STK11IP: variants seen among roughly 807,000 people sequenced by gnomAD.
STK11IP encodes the protein serine/threonine-protein kinase 11-interacting protein.
STK11IP carries 103 observed loss-of-function variants against 131.7 expected under a neutral mutation model. The observed-to-expected ratio is 0.78, with a 90% CI of 0.67 to 0.92. The LOEUF is 0.92. Among genes scored for constraint, STK11IP ranks in the 40% least tolerant of loss-of-function variants. The pLI is 0.00. For missense variants in STK11IP, 1,315 were observed against 1,385.7 expected (o/e 0.95, Z 0.81); for synonymous variants, 557 against 575.6 (o/e 0.97, Z 0.46).
At position 219,601,318 on chromosome 2, in the gene STK11IP, C is replaced by G; in HGVS notation, c.145C>G (p.Leu49Val). The change falls in exon 3 of 25, where the codon CTG (leucine) becomes GTG (valine). Residue 49 changes from leucine to valine, a missense_variant. Transcript: ENST00000456909. ...GCTGAACCACGTATTTGAGCTGCAC[C>G]TGGGGCCATGGGGCCCTGGCCAGAC... is the stretch of plus-strand genomic sequence containing the variant. ...QQLNHVFELH[L>V]GPWGPGQTGF... 1 of 1,614,078 alleles carries G rather than the reference C, an allele frequency of 6.2e-7. No homozygotes were observed. The highest frequency in any genetic ancestry group is 8.5e-7 in the Non-Finnish European group (1 of 1,179,902).
rs976481673 is a variant in STK11IP, at chr2:219,614,018, G to T, written c.2716+88G>T. 4.0e-6 allele frequency: 6 copies of T among 1,497,868 alleles called. No individual in the cohort carries two copies. The Admixed American group carries it at 1.0e-4, about 25-fold the overall frequency. The allele number at this position is 1,497,868 out of a possible 1,614,324, so 92.8% of individuals were successfully genotyped here. On this transcript the variant is annotated intron_variant, in intron 21 of 24. Coordinates refer to ENST00000456909, the MANE Select transcript of STK11IP (RefSeq NM_052902.4). The stretch of plus-strand genomic sequence containing the variant: ...GCTCCCCACCTGGTACCCAGTAGCG[G>T]AGACAGAGAGGTAACAGGACTTGTC...
At chr2:219,607,783 C>T (rs1698240411) in intron 13 of STK11IP, among the ~76,000 whole-genome samples, 3 of 152,138 alleles carry the variant, frequency 2.0e-5, no homozygotes, top group African/African-American at 4.8e-5. Flanking sequence ...TGTCAGCTGC[C>T]GGCCGTCTCG....
In STK11IP at chr2:219,608,430, G is replaced by A. The variant is rs1263833795; in HGVS notation, c.1603G>A (p.Ala535Thr). 6.4e-7 allele frequency: 1 copy of A among 1,556,566 alleles called. No homozygotes were observed. The highest frequency in any genetic ancestry group is 8.7e-7 in the Non-Finnish European group (1 of 1,150,818). Residue 535 changes from alanine to threonine, a missense_variant and splice_region_variant, in exon 14 of 25, where the codon GCG becomes ACG. Physicochemically the swap from Ala to Thr is moderately conservative, Grantham distance 58. Coordinates refer to ENST00000456909, the MANE Select transcript of STK11IP (RefSeq NM_052902.4). ...EEEQDQKEVE[A>T]ELCRPLLVCP... The stretch of plus-strand genomic sequence containing the variant: ...GGAGCAGGACCAGAAGGAAGTGGAA[G>A]GTGAGCCCTTTGTGGGCTGGGGCGA...
chr2:219,602,557 C>A lies in STK11IP; in HGVS notation c.528C>A (p.Thr176=). Residue 176 remains threonine (T), a synonymous_variant, in exon 6 of 25, where the codon ACC becomes ACA. Transcript: ENST00000456909. ...CCAACTTCAGCTACAATGCACTGAC[C>A]GCCTTAGACAGCTCCCTGGTGAGTG... is the stretch of plus-strand genomic sequence containing the variant. The part of the protein sequence containing the change: ...LSANFSYNAL[T]ALDSSLRLLS... The A allele has an allele frequency of 1.9e-6, 3 of 1,614,010 alleles. No homozygotes were observed.
chr2:219,613,263 A>T, intron 20 of STK11IP, 38 bp downstream of exon 20: 1 of 565,030 alleles, frequency 1.8e-6, no homozygotes, highest in Non-Finnish European at 2.9e-6. Context: ...AAGGGGGGAG[A>T]TGGGGTGAGT....
At chr2:219,615,764 C>T in intron 24 of STK11IP, 1 of 672,110 alleles carries the variant, frequency 1.5e-6, no homozygotes, top group Admixed American at 2.1e-5. Flanking sequence ...AGTGGTGGAG[C>T]CGGGAATTGA....
chr2:219,603,337 C>T (rs763646351), intron 7 of STK11IP, among the ~76,000 whole-genome samples: 35 of 151,980 alleles, frequency 2.3e-4, no homozygotes, highest in Non-Finnish European at 3.8e-4. Context: ...CCACCACGCC[C>T]GGCTGAATAC....
chr2:219,612,149 A>G (rs1441858801), intron 19 of STK11IP, 91 bp downstream of exon 19: 25 of 1,194,074 alleles, frequency 2.1e-5, no homozygotes, highest in Non-Finnish European at 3.0e-5. Flanking sequence ...CAAGCACTCT[A>G]GAGACCTGAT....
At chr2:219,603,487 A>T (rs1310878146) in intron 7 of STK11IP, among the ~76,000 whole-genome samples, 1 of 151,866 alleles carries the variant, frequency 6.6e-6, no homozygotes, top group Non-Finnish European at 1.5e-5. Context: ...TCAGAGATAA[A>T]GCCGAACTAG....
chr2:219,599,269 A>G (rs1697899883), intron 2 of STK11IP, among the ~76,000 whole-genome samples: 1 of 152,012 alleles, frequency 6.6e-6, no homozygotes, highest in Non-Finnish European at 1.5e-5. Flanking sequence ...TTGTATTTTT[A>G]GTAGAGACGG....
chr2:219,613,118 C>T lies in STK11IP; in HGVS notation c.2440-10C>T, dbSNP rs1200108803. The T allele has an allele frequency of 1.2e-6, 2 of 1,610,790 alleles. No individual in the cohort carries two copies. Among genetic ancestry groups the T allele is most frequent in the African/African-American group, 2.7e-5 (2 of 74,812 alleles). On this transcript the variant is annotated splice_polypyrimidine_tract_variant and intron_variant, in intron 19 of 24. Transcript: ENST00000456909. ...TCATCAGGTTTCTCACCAACTTCCT[C>T]TTCCCCCAGGTGCCAGTGGCATTGG...
chr2:219,605,608 G>T lies in STK11IP; in HGVS notation c.619G>T (p.Asp207Tyr). 1 of 1,551,768 alleles carries T rather than the reference G, an allele frequency of 6.4e-7. No individual in the cohort carries two copies. Among genetic ancestry groups the T allele is most frequent in the Non-Finnish European group, 8.7e-7 (1 of 1,147,048 alleles). The stretch of plus-strand genomic sequence containing the variant: ...TTTTTCTCCCCTGTACCCCTGCCAG[G>T]ATTTGTGTGAGCTCCACCATCTGGA... ...QVQDCQGFLM[D>Y]LCELHHLDIS... Residue 207 changes from aspartate to tyrosine, a missense_variant and splice_region_variant, in exon 8 of 25, where the codon GAT becomes TAT. Coordinates refer to ENST00000456909, the MANE Select transcript of STK11IP (RefSeq NM_052902.4).
In STK11IP at chr2:219,613,068, G is replaced by T. The variant is rs370086291; in HGVS notation, c.2440-60G>T. Reference sequence around the variant, plus strand: ...GCTGTCACCAGGAACTCGGCTTTCAGTCTGGCCCCACCTCCCCAGGCCTCT... The same window carrying T: ...GCTGTCACCAGGAACTCGGCTTTCATTCTGGCCCCACCTCCCCAGGCCTCT... On this transcript the variant is annotated intron_variant, in intron 19 of 24. Transcript: ENST00000456909. The T allele has an allele frequency of 1.4e-4, 198 of 1,441,766 alleles. 1 individual carries two copies. The African/African-American group carries it at 1.9e-3, about 14-fold the overall frequency. The allele number at this position is 1,441,766 out of a possible 1,614,324, so 89.3% of individuals were successfully genotyped here.
rs1299455766 is a variant in STK11IP, at chr2:219,598,006, C to G, written c.-27+83C>G. 3.2e-6 allele frequency: 5 copies of G among 1,582,626 alleles called. No homozygotes were observed. The African/African-American group carries it at 6.8e-5, about 21-fold the overall frequency. The stretch of plus-strand genomic sequence containing the variant: ...CTCTTTTCTTTCTCGCCTTTTTCTC[C>G]GCATGACGCCTCGGTTTGCGCGGAC... On this transcript the variant is annotated intron_variant, in intron 1 of 24. Coordinates refer to ENST00000456909, the MANE Select transcript of STK11IP (RefSeq NM_052902.4).
chr2:219,606,589 G>A (rs1698172289), intron 11 of STK11IP, 72 bp downstream of exon 11: 8 of 1,608,442 alleles, frequency 5.0e-6, no homozygotes, highest in Non-Finnish European at 6.8e-6. Flanking sequence ...AGAACAGAGG[G>A]CTGGCTGGTG....
rs1179667539 is a variant in STK11IP at position 219,599,511 on chromosome 2, T to A, written c.61+1331T>A. Among the ~76,000 whole-genome samples the A allele has an allele frequency of 2.0e-5, 3 of 152,224 alleles. No individual in the cohort carries two copies. The East Asian group carries it at 5.8e-4, about 29-fold the overall frequency. ...AGAGTCCTTGAACCATGTCTGTATC[T>A]ATCCTCAGTGTCTAGTACATACAGA... On this transcript the variant is annotated intron_variant, in intron 2 of 24. Transcript: ENST00000456909.
intron 2 of STK11IP, among the ~76,000 whole-genome samples, chr2:219,600,047 T>TG (rs1354343461): frequency 1.4e-5 from 2 of 139,196 alleles, no homozygotes; most frequent in African/African-American, 6.0e-5. Context: ...TTGTGTTTTT[T>TG]TTTTTGTTTT....
intron 5 of STK11IP, 129 bp from the exon 6 acceptor site, chr2:219,602,339 C>T (rs1319259938): frequency 8.1e-6 from 6 of 744,058 alleles, no homozygotes; most frequent in Non-Finnish European, 1.3e-5. Flanking sequence ...GGGACCTGGG[C>T]TTTAAGCCTG....
chr2:219,616,264 T>A lies in STK11IP; in HGVS notation c.*71T>A, dbSNP rs1477092765. On this transcript the variant is annotated 3_prime_UTR_variant, in exon 25 of 25. Transcript: ENST00000456909. ...GACATTCCCTCTCCTGGTCTCTGGG[T>A]CTGGCTTCCAGGCTCTGGCTGTGGA... 2.6e-6 allele frequency: 4 copies of A among 1,528,522 alleles called. No individual in the cohort carries two copies. The highest frequency in any genetic ancestry group is 2.0e-5 in the Admixed American group (1 of 49,908). 94.7% of individuals were successfully genotyped at this position (1,528,522 alleles called of 1,614,324 possible). A position where few individuals can be genotyped will look rare whatever the true frequency, so the allele number is the denominator to read the frequency against.
Sources: allele counts gnomAD v4.1 joint callset (sites outside exome capture counted in the v4.1 genomes callset), GRCh38; gene constraint gnomAD v4.1.1; transcripts MANE v1.5; gene names NCBI Gene and HGNC (gene_info 2026-07-23, HGNC 2026-07-21).